The following MROH1 variants were observed in gnomAD, a reference collection of about 807,000 sequenced individuals.
MROH1 encodes maestro heat like repeat family member 1, also known as maestro heat-like repeat-containing protein family member 1.
In MROH1, 117 loss-of-function variants were observed where a neutral mutation model predicts 116.5. The observed-to-expected ratio is 1.00, with a 90% confidence interval of 0.86 to 1.17. The LOEUF (loss-of-function observed/expected upper bound fraction) is 1.17. Among genes scored for constraint, MROH1 ranks in the 50% most tolerant of loss-of-function variants. The probability of loss-of-function intolerance (pLI) is 0.00; values close to 1 mark genes in which losing one functional copy is unlikely to be tolerated. For missense variants in MROH1, 1,873 were observed against 1,338.5 expected, an observed-to-expected ratio of 1.40 and a Z score of -6.23; for synonymous variants, 921 against 583.9, an observed-to-expected ratio of 1.58 and a Z score of -8.32.
At chr8:144,230,673 TTCCCTCCTCTTTA>T (rs1838685778) in intron 14 of MROH1, among the ~76,000 whole-genome samples, 1 of 152,038 alleles carries the variant, frequency 6.6e-6, no homozygotes, top group African/African-American at 2.4e-5. Flanking sequence ...TTAGAAGGTG[TTCCCTCCTCTTTA>T]ATTTTTTGGA....
rs1287383249 is a variant in MROH1 at position 144,240,645 on chromosome 8, C to G, written c.1903C>G (p.Leu635Val). The G allele has an allele frequency of 4.2e-6, 3 of 717,338 alleles. No homozygotes were observed. The highest frequency in any genetic ancestry group is 7.8e-6 in the Non-Finnish European group (3 of 384,962). 44.4% of individuals were successfully genotyped at this position (717,338 alleles called of 1,614,324 possible). ...GCTGAGCCTGGAGCTGTGCAGGCAGCTGCCCTGCTACGATGAGGCACCCCA... is the reference window on the plus strand; with the variant it reads ...GCTGAGCCTGGAGCTGTGCAGGCAGGTGCCCTGCTACGATGAGGCACCCCA... ...CQLSLELCRQ[L>V]PCYDEAPQEK... The change falls in exon 20 of 44, where the codon CTG (leucine) becomes GTG (valine). Residue 635 changes from leucine to valine, a missense_variant. Coordinates refer to ENST00000326134, the MANE Select transcript of MROH1 (RefSeq NM_032450.3).
chr8:144,218,937 C>T (rs955020841), intron 12 of MROH1, among the ~76,000 whole-genome samples: 2 of 128,748 alleles, frequency 1.6e-5, no homozygotes, highest in East Asian at 2.3e-4. Context: ...TGGGCTCAAG[C>T]GATTCTTGTG....
chr8:144,166,805 GC>G (rs1383955600), intron 3 of MROH1, among the ~76,000 whole-genome samples: 1 of 152,190 alleles, frequency 6.6e-6, no homozygotes, highest in East Asian at 1.9e-4. Context: ...GGCTCCCAGA[GC>G]ACGTGAGACC....
intron 13 of MROH1, among the ~76,000 whole-genome samples, chr8:144,221,695 C>A (rs889759833): frequency 2.6e-4 from 40 of 152,144 alleles, no homozygotes; most frequent in African/African-American, 9.2e-4. Context: ...CTGACAGGGT[C>A]TTTTGGTCCT....
At chr8:144,185,320 G>A (rs1826695398) in intron 7 of MROH1, among the ~76,000 whole-genome samples, 1 of 152,108 alleles carries the variant, frequency 6.6e-6, no homozygotes, top group Non-Finnish European at 1.5e-5. Flanking sequence ...CACCTACCCA[G>A]ACCTGAGCAA....
intron 12 of MROH1, among the ~76,000 whole-genome samples, chr8:144,216,737 T>A (rs989863730): frequency 2.0e-5 from 3 of 150,590 alleles, no homozygotes; most frequent in African/African-American, 7.5e-5. Flanking sequence ...TCGCCCAGGC[T>A]AGAGTGCAGT....
intron 1 of MROH1, among the ~76,000 whole-genome samples, chr8:144,151,706 A>G (rs1029723715): frequency 1.5e-4 from 23 of 152,316 alleles, no homozygotes; most frequent in Non-Finnish European, 2.6e-4. Context: ...ACGGCAAACT[A>G]AAAGAGCACC....
intron 14 of MROH1, among the ~76,000 whole-genome samples, chr8:144,234,498 G>GGT (rs1839618125): frequency 5.5e-5 from 1 of 18,090 alleles, no homozygotes; most frequent in Non-Finnish European, 1.2e-4. Context: ...TTTCTTTTTC[G>GGT]TTTTTTTTTT....
intron 14 of MROH1, among the ~76,000 whole-genome samples, chr8:144,231,510 A>G (rs1838881095): frequency 6.6e-6 from 1 of 152,142 alleles, no homozygotes; most frequent in Non-Finnish European, 1.5e-5. Flanking sequence ...TCTTTCAGGG[A>G]GCAGGGAGAC....
intron 5 of MROH1, 43 bp downstream of exon 5, chr8:144,179,629 T>C: frequency 6.4e-7 from 1 of 1,567,972 alleles, no homozygotes; most frequent in Non-Finnish European, 8.6e-7. Flanking sequence ...AGGCCTAGCT[T>C]GGGAAGGGAA....
intron 7 of MROH1, among the ~76,000 whole-genome samples, chr8:144,189,508 C>T (rs1564432765): frequency 6.6e-6 from 1 of 152,228 alleles, no homozygotes; most frequent in South Asian, 2.1e-4. Context: ...TGACTCTCCA[C>T]CCAGATGTCC....
chr8:144,169,347 G>A (rs185859326), intron 4 of MROH1, among the ~76,000 whole-genome samples: 138 of 152,186 alleles, frequency 9.1e-4, no homozygotes, highest in African/African-American at 2.8e-3. Context: ...GCCCACTGCC[G>A]TGGCCTGGCG....
At chr8:144,224,139 G>T (rs1837348529) in intron 14 of MROH1, among the ~76,000 whole-genome samples, 1 of 152,164 alleles carries the variant, frequency 6.6e-6, no homozygotes, top group Non-Finnish European at 1.5e-5. Flanking sequence ...TAGTCTTTCA[G>T]TTCCCAAGAG....
intron 7 of MROH1, among the ~76,000 whole-genome samples, chr8:144,181,361 G>A (rs1478960342): frequency 6.7e-6 from 1 of 148,802 alleles, no homozygotes; most frequent in South Asian, 2.2e-4. Flanking sequence ...GCATGTTTTC[G>A]AAGCATGGAG....
In MROH1 at chr8:144,182,462, C is replaced by T. The variant is rs930837986; in HGVS notation, c.562+1939C>T. Among the ~76,000 whole-genome samples the T allele has an allele frequency of 6.6e-6, 1 of 152,188 alleles. No individual in the cohort carries two copies. Among genetic ancestry groups the T allele is most frequent in the African/African-American group, 2.4e-5 (1 of 41,432 alleles). ...GAAGAAAATAACAGAGAAAGAAAAT[C>T]TCTGATTAATATCCTCAGGAAAATA... is the stretch of plus-strand genomic sequence containing the variant. On this transcript the variant is annotated intron_variant, in intron 7 of 43. Transcript: ENST00000326134. The surrounding 1 kb of genome is among the most constrained non-coding windows in gnomAD (Gnocchi z 4.1).
rs1164415639 is a variant in MROH1 at position 144,157,677 on chromosome 8, CTTTTTTTT to C, written c.-176-3280_-176-3273del. Among the ~76,000 whole-genome samples, 7 of 117,930 alleles carry C rather than the reference CTTTTTTTT, an allele frequency of 5.9e-5. No individual in the cohort carries two copies. In the East Asian group the frequency reaches 1.6e-3, roughly 26 times the overall value. 77.4% of individuals were successfully genotyped at this position (117,930 alleles called of 152,430 possible). A position where few individuals can be genotyped will look rare whatever the true frequency, so the allele number is the denominator to read the frequency against. ...CCTATTTCTTTTTCTTTCTTTCTTT[CTTTTTTTT>C]TTTTTTTTTTTTGAGAAGGGGTTGC... is the stretch of plus-strand genomic sequence containing the variant. On this transcript the variant is annotated intron_variant, in intron 1 of 43. Coordinates refer to ENST00000326134, the MANE Select transcript of MROH1 (RefSeq NM_032450.3).
chr8:144,261,425 C>T (rs1310016333), intron 43 of MROH1, 76 bp downstream of exon 43: 2 of 700,212 alleles, frequency 2.9e-6, no homozygotes, highest in East Asian at 5.4e-5. Flanking sequence ...AAGTGATTTT[C>T]CTGGATTTCA....
At position 144,250,377 on chromosome 8, in the gene MROH1, C is replaced by A. The variant is rs1015662659; in HGVS notation, c.3428+11C>A. ...CTTGCCCTTGGACAGGTACCCAGCT[C>A]AGACTCCAGGCTTAGGGGTCCCTCT... is the stretch of plus-strand genomic sequence containing the variant. On this transcript the variant is annotated intron_variant, in intron 33 of 43. Coordinates refer to ENST00000326134, the MANE Select transcript of MROH1 (RefSeq NM_032450.3). 2.0e-5 allele frequency: 15 copies of A among 758,196 alleles called. No homozygotes were observed. In the South Asian group the frequency reaches 2.1e-4, roughly 11 times the overall value. 47.0% of individuals were successfully genotyped at this position (758,196 alleles called of 1,614,324 possible). A position where few individuals can be genotyped will look rare whatever the true frequency, so the allele number is the denominator to read the frequency against.
At chr8:144,221,655 G>A (rs7461818) in intron 13 of MROH1, among the ~76,000 whole-genome samples, 151,092 of 152,062 alleles carry the variant, frequency 0.99, 75,071 homozygotes, top group Middle Eastern at 1. Context: ...ACACTCCCCA[G>A]CGTTCAGAGC....
Sources: gnomAD v4.1 joint callset for allele counts (sites outside exome capture counted in the v4.1 genomes callset) on GRCh38, gnomAD v4.1.1 for gene constraint, Gnocchi (gnomAD v3.1) non-coding constraint, MANE v1.5 for transcripts, NCBI Gene and HGNC (gene_info 2026-07-23, HGNC 2026-07-21) for gene names.